PCDHA1: variants seen among roughly 807,000 people sequenced by gnomAD.
The protein encoded by PCDHA1 is protocadherin alpha 1.
Under a neutral mutation model 61.3 loss-of-function variants are expected in PCDHA1, and 42 were observed. The ratio of observed to expected loss-of-function variants is 0.69; its 90% confidence interval spans 0.54 to 0.89. The LOEUF (loss-of-function observed/expected upper bound fraction) is 0.89. Among genes scored for constraint, PCDHA1 ranks in the 40% least tolerant of loss-of-function variants. The pLI is 0.00. For synonymous variants in PCDHA1, 610 were observed against 553.8 expected, an observed-to-expected ratio of 1.10 and a Z score of -1.43; for missense variants, 1,256 against 1,235.3, an observed-to-expected ratio of 1.02 and a Z score of -0.25.
chr5:140,796,788 G>A (rs1762137729), intron 1 of PCDHA1: 5 of 1,614,118 alleles, frequency 3.1e-6, no homozygotes, highest in Non-Finnish European at 4.2e-6. Context: ...CGTGGCTTTC[G>A]TACGAGCTTC....
At chr5:140,941,319 CTTT>C (rs70988781) in intron 1 of PCDHA1, among the ~76,000 whole-genome samples, 1 of 104,392 alleles carries the variant, frequency 9.6e-6, no homozygotes. Flanking sequence ...TCTTCTTTCT[CTTT>C]TTTTTTTTTT....
intron 1 of PCDHA1, chr5:140,809,310 C>G: frequency 6.2e-7 from 1 of 1,614,106 alleles, no homozygotes; most frequent in Non-Finnish European, 8.5e-7. Context: ...TGCGCGGTGT[C>G]CAGCCTTTTG....
intron 1 of PCDHA1, chr5:140,876,998 C>T: frequency 6.2e-7 from 1 of 1,612,502 alleles, no homozygotes; most frequent in South Asian, 1.1e-5. Flanking sequence ...AGCTACGTGT[C>T]GGTGCACGCG....
chr5:140,800,953 C>G, intron 1 of PCDHA1: 1 of 1,125,988 alleles, frequency 8.9e-7, no homozygotes, highest in African/African-American at 1.6e-5. Context: ...AAACGACATA[C>G]AAGGAAAAGA....
In PCDHA1 at chr5:141,011,697, T is replaced by A. The variant is rs1187125634; in HGVS notation, c.*1760T>A. ...TTTTGTTCTAGTAACAATTTTGGAATGAATACTGACAATATTCCATGAGGG... is the reference window on the plus strand; with the variant it reads ...TTTTGTTCTAGTAACAATTTTGGAAAGAATACTGACAATATTCCATGAGGG... On this transcript the variant is annotated 3_prime_UTR_variant, in exon 4 of 4. Transcript: ENST00000504120. 2 of 153,778 alleles carry A rather than the reference T, an allele frequency of 1.3e-5. No homozygotes were observed. Among genetic ancestry groups the A allele is most frequent in the Non-Finnish European group, 2.9e-5 (2 of 68,036 alleles). The allele number at this position is 153,778 out of a possible 1,614,324, so 9.5% of individuals were successfully genotyped here.
chr5:140,842,533 C>T, intron 1 of PCDHA1: 2 of 1,613,062 alleles, frequency 1.2e-6, no homozygotes, highest in Non-Finnish European at 1.7e-6. Context: ...TCAAGAATTA[C>T]TACTCGTTGG....
intron 1 of PCDHA1, chr5:140,929,570 A>G (rs1563117537): frequency 2.2e-6 from 1 of 458,222 alleles, no homozygotes; most frequent in South Asian, 1.1e-4. Flanking sequence ...TAAGAACAAT[A>G]AAAGTAATAT....
At chr5:140,998,300 G>C (rs1287043977) in intron 3 of PCDHA1, among the ~76,000 whole-genome samples, 1 of 152,194 alleles carries the variant, frequency 6.6e-6, no homozygotes, top group Non-Finnish European at 1.5e-5. Context: ...CACACATTTA[G>C]TAAGGGCACC....
intron 1 of PCDHA1, among the ~76,000 whole-genome samples, chr5:140,901,870 TTTC>T (rs2068953949): frequency 6.6e-6 from 1 of 152,202 alleles, no homozygotes. Flanking sequence ...TCCTCTTCAA[TTTC>T]TTTCATCAGC....
chr5:140,877,416 G>A (rs368900600), intron 1 of PCDHA1: 32 of 1,613,802 alleles, frequency 2.0e-5, no homozygotes, highest in Non-Finnish European at 2.7e-5. Flanking sequence ...ACCGCCTGCT[G>A]GTGCTGGTGA....
chr5:140,956,130 AC>A (rs1328169081), intron 1 of PCDHA1, among the ~76,000 whole-genome samples: 3 of 152,088 alleles, frequency 2.0e-5, no homozygotes. Context: ...CTATTTGAAT[AC>A]CCTTTATTTC....
intron 1 of PCDHA1, among the ~76,000 whole-genome samples, chr5:140,972,862 T>C (rs781936892): frequency 2.0e-5 from 3 of 151,966 alleles, no homozygotes; most frequent in Non-Finnish European, 4.4e-5. Context: ...TGGGGTTTCA[T>C]CATGTTGTCC....
chr5:140,797,200 G>C, intron 1 of PCDHA1: 1 of 1,614,176 alleles, frequency 6.2e-7, no homozygotes, highest in Non-Finnish European at 8.5e-7. Context: ...CAGCGCCGTG[G>C]GGAGCTGGTC....
chr5:140,844,580 A>G (rs1473112365), intron 1 of PCDHA1, among the ~76,000 whole-genome samples: 3 of 149,602 alleles, frequency 2.0e-5, no homozygotes, highest in African/African-American at 7.3e-5. Flanking sequence ...ATTCCACATT[A>G]AAGTGATATT....
intron 1 of PCDHA1, among the ~76,000 whole-genome samples, chr5:140,893,945 A>T (rs1293077869): frequency 6.6e-6 from 1 of 152,180 alleles, no homozygotes; most frequent in Non-Finnish European, 1.5e-5. Flanking sequence ...TTAATTCTGC[A>T]TGACTTTATT....
At chr5:140,896,398 A>T (rs1322743669) in intron 1 of PCDHA1, among the ~76,000 whole-genome samples, 3 of 151,946 alleles carry the variant, frequency 2.0e-5, no homozygotes, top group African/African-American at 7.3e-5. Context: ...AGCATCTGTT[A>T]TTTTTGACTT....
At chr5:140,965,657 T>TA (rs2095920205) in intron 1 of PCDHA1, among the ~76,000 whole-genome samples, 2 of 152,196 alleles carry the variant, frequency 1.3e-5, no homozygotes, top group Non-Finnish European at 2.9e-5. Context: ...AGAAAATGTC[T>TA]TGGGTGATAA....
chr5:140,854,721 T>C (rs941408696), intron 1 of PCDHA1: 9 of 149,956 alleles, frequency 6.0e-5, no homozygotes, highest in Non-Finnish European at 1.2e-4. Flanking sequence ...GACAGAAAAC[T>C]CAAGTTTTTT....
chr5:140,987,850 A>G lies in PCDHA1; in HGVS notation c.2542+5287A>G, dbSNP rs115051779. Among the ~76,000 whole-genome samples, 1,266 of 152,242 alleles carry G rather than the reference A, an allele frequency of 8.3e-3. 21 individuals are homozygous for G. Among genetic ancestry groups the G allele is most frequent in the African/African-American group, 0.028 (1,145 of 41,532 alleles). On this transcript the variant is annotated intron_variant, in intron 3 of 3. Coordinates refer to ENST00000504120, the MANE Select transcript of PCDHA1 (RefSeq NM_018900.4). ...GGGATTGCTTTTGCCCTGATTTGCCACATCTCTTTACTCTGTGGAAAATGG... is the reference window on the plus strand; with the variant it reads ...GGGATTGCTTTTGCCCTGATTTGCCGCATCTCTTTACTCTGTGGAAAATGG...
Sources: allele counts gnomAD v4.1 joint callset (sites outside exome capture counted in the v4.1 genomes callset), GRCh38; gene constraint gnomAD v4.1.1; transcripts MANE v1.5; gene names NCBI Gene and HGNC (gene_info 2026-07-23, HGNC 2026-07-21).